The following LRFN5 variants were observed in gnomAD, a reference collection of about 807,000 sequenced individuals.
LRFN5 encodes leucine-rich repeat and fibronectin type-III domain-containing protein 5.
LRFN5 carries 24 observed loss-of-function variants against 45.6 expected under a neutral mutation model. That is an observed-to-expected ratio of 0.53 (90% CI 0.38 to 0.74). LRFN5 has a LOEUF of 0.74. LRFN5 is among the 30% of genes least tolerant of loss of function. The pLI, the probability that LRFN5 is intolerant of heterozygous loss-of-function variation, is 0.00. For missense variants in LRFN5, 776 were observed against 861.5 expected (o/e 0.90, Z 1.24); for synonymous variants, 340 against 313.8 (o/e 1.08, Z -0.88).
At chr14:41,801,966 G>C (rs895197743) in intron 2 of LRFN5, among the ~76,000 whole-genome samples, 1 of 152,064 alleles carries the variant, frequency 6.6e-6, no homozygotes, top group Non-Finnish European at 1.5e-5. Flanking sequence ...GAATGGACTC[G>C]AAATTCCCAG....
intron 2 of LRFN5, among the ~76,000 whole-genome samples, chr14:41,827,673 C>G (rs545766758): frequency 4.6e-5 from 7 of 152,080 alleles, no homozygotes; most frequent in Non-Finnish European, 8.8e-5. Context: ...AGACCTGCTA[C>G]TCGTTAACCA....
Position 41,753,083 on chromosome 14 carries a change from C to T in LRFN5, c.-196-13771C>T, listed in dbSNP as rs536941025. Reference sequence around the variant, plus strand: ...CAAAGATCAGATAGTTGTAGATATGCGGCATTATTTCTGAGGGCTCTGTTC... The same window carrying T: ...CAAAGATCAGATAGTTGTAGATATGTGGCATTATTTCTGAGGGCTCTGTTC... On this transcript the variant is annotated intron_variant, in intron 1 of 5. Transcript: ENST00000298119. Among the ~76,000 whole-genome samples the T allele has an allele frequency of 4.2e-4, 64 of 152,058 alleles. No individual in the cohort carries two copies. The Middle Eastern group carries it at 0.01, about 24-fold the overall frequency.
At chr14:41,787,925 C>T (rs543658937) in intron 2 of LRFN5, among the ~76,000 whole-genome samples, 84 of 152,000 alleles carry the variant, frequency 5.5e-4, no homozygotes, top group Admixed American at 1.3e-3. Flanking sequence ...TAAGAGTGGG[C>T]CCTCCCAATG....
chr14:41,633,745 C>G (rs1362872197), intron 1 of LRFN5, among the ~76,000 whole-genome samples: 14 of 152,006 alleles, frequency 9.2e-5, no homozygotes, highest in Admixed American at 9.2e-4. Context: ...GTTGCCTTCT[C>G]TAGTTAGAAA....
chr14:41,836,841 G>A (rs1233441893), intron 2 of LRFN5, among the ~76,000 whole-genome samples: 1 of 151,744 alleles, frequency 6.6e-6, no homozygotes, highest in Non-Finnish European at 1.5e-5. Context: ...TATCTTAATA[G>A]AAATTTTCCT....
At chr14:41,849,442 T>TA (rs1212366829) in intron 2 of LRFN5, among the ~76,000 whole-genome samples, 95 of 144,296 alleles carry the variant, frequency 6.6e-4, no homozygotes, top group Middle Eastern at 3.5e-3. Flanking sequence ...TTAGTGTGGT[T>TA]AAAAAAAAAA....
chr14:41,878,502 A>G (rs1890264013), intron 2 of LRFN5, among the ~76,000 whole-genome samples: 1 of 152,184 alleles, frequency 6.6e-6, no homozygotes, highest in South Asian at 2.1e-4. Context: ...ATGTTATGTA[A>G]TAGCCGTGAC....
At chr14:41,793,322 G>C (rs1270743413) in intron 2 of LRFN5, among the ~76,000 whole-genome samples, 2 of 151,984 alleles carry the variant, frequency 1.3e-5, no homozygotes, top group Admixed American at 6.6e-5. Flanking sequence ...ACACAGGTTG[G>C]AGATGAGATA....
At chr14:41,815,470 A>T (rs904996781) in intron 2 of LRFN5, among the ~76,000 whole-genome samples, 1 of 152,136 alleles carries the variant, frequency 6.6e-6, no homozygotes, top group South Asian at 2.1e-4. Context: ...GCGGTGGCTC[A>T]CTGGAATCTA....
At chr14:41,681,639 A>G in intron 1 of LRFN5, among the ~76,000 whole-genome samples, 1 of 152,124 alleles carries the variant, frequency 6.6e-6, no homozygotes, top group Non-Finnish European at 1.5e-5. Flanking sequence ...CAGAAATGCT[A>G]AAGGGAGTTC....
At chr14:41,879,916 C>CTT (rs34553310) in intron 2 of LRFN5, among the ~76,000 whole-genome samples, 13 of 56,486 alleles carry the variant, frequency 2.3e-4, no homozygotes, top group African/African-American at 3.0e-4. Context: ...TCAATTTTTC[C>CTT]TTTTTTTTTT....
chr14:41,651,636 A>G (rs1483083875), intron 1 of LRFN5, among the ~76,000 whole-genome samples: 1 of 152,154 alleles, frequency 6.6e-6, no homozygotes, highest in African/African-American at 2.4e-5. Flanking sequence ...TTCAAATACT[A>G]ATGTGAATCT....
At position 41,607,130 on chromosome 14, in the gene LRFN5, G is replaced by A. The variant is rs970136331; in HGVS notation, c.-1629G>A. ...CGTGTGCAGAGCTGCCCGAACGGAG[G>A]ACTATGTATGTGTGTGCGCGTGTTT... On this transcript the variant is annotated 5_prime_UTR_variant, in exon 1 of 6. Coordinates refer to ENST00000298119, the MANE Select transcript of LRFN5 (RefSeq NM_152447.5). Among the ~76,000 whole-genome samples the A allele has an allele frequency of 1.4e-4, 21 of 152,166 alleles. No homozygotes were observed. The highest frequency in any genetic ancestry group is 4.6e-4 in the African/African-American group (19 of 41,460).
intron 1 of LRFN5, among the ~76,000 whole-genome samples, chr14:41,625,290 G>T (rs987916972): frequency 1.3e-5 from 2 of 151,920 alleles, no homozygotes; most frequent in African/African-American, 2.4e-5. Context: ...TTGAATCATG[G>T]GGGCCATTTC....
At chr14:41,789,652 A>G (rs1015459033) in intron 2 of LRFN5, among the ~76,000 whole-genome samples, 3 of 152,094 alleles carry the variant, frequency 2.0e-5, no homozygotes, top group Middle Eastern at 3.4e-3. Flanking sequence ...TACACTCTGC[A>G]TCTTAGCCTC....
chr14:41,800,486 A>G (rs1887288397), intron 2 of LRFN5, among the ~76,000 whole-genome samples: 1 of 151,792 alleles, frequency 6.6e-6, no homozygotes, highest in South Asian at 2.1e-4. Context: ...TAATAATTGT[A>G]TGATTATATT....
At chr14:41,863,391 C>G (rs191701009) in intron 2 of LRFN5, among the ~76,000 whole-genome samples, 9 of 151,980 alleles carry the variant, frequency 5.9e-5, no homozygotes, top group Middle Eastern at 3.4e-3. Flanking sequence ...CCTTATTTTC[C>G]AAAAAATGTC....
intron 1 of LRFN5, among the ~76,000 whole-genome samples, chr14:41,704,442 C>CTGTGTGTGAGTGTGTGTG (rs1190054164): frequency 7.8e-6 from 1 of 127,772 alleles, no homozygotes; most frequent in African/African-American, 3.5e-5. Flanking sequence ...CTCTCTCTCT[C>CTGTGTGTGAGTGTGTGTG]TCTCTCTGTG....
chr14:41,732,458 A>T (rs750102864), intron 1 of LRFN5, among the ~76,000 whole-genome samples: 1 of 152,186 alleles, frequency 6.6e-6, no homozygotes, highest in Non-Finnish European at 1.5e-5. Flanking sequence ...AAAAATACAT[A>T]TATTAGGTAA....
Sources: allele counts gnomAD v4.1 joint callset (sites outside exome capture counted in the v4.1 genomes callset), GRCh38; gene constraint gnomAD v4.1.1; transcripts MANE v1.5; gene names NCBI Gene and HGNC (gene_info 2026-07-23, HGNC 2026-07-21).